The following SYNE1 variants were observed in gnomAD, a reference collection of about 807,000 sequenced individuals.
The protein encoded by SYNE1 is nesprin-1.
Under a neutral mutation model 1,111.0 loss-of-function variants are expected in SYNE1, and 616 were observed. That is an observed-to-expected ratio of 0.55 (90% CI 0.52 to 0.59). The LOEUF (loss-of-function observed/expected upper bound fraction) is 0.59, where lower values mean the gene tolerates loss of function less well. Among genes scored for constraint, SYNE1 ranks in the 20% least tolerant of loss-of-function variants. The pLI is 0.00. For synonymous variants in SYNE1, 3,855 were observed against 3,825.8 expected, an observed-to-expected ratio of 1.01 and a Z score of -0.28; for missense variants, 10,006 against 10,417.0, an observed-to-expected ratio of 0.96 and a Z score of 1.72.
chr6:152,542,846 T>A (rs1242066638), intron 3 of SYNE1, among the ~76,000 whole-genome samples: 3 of 152,136 alleles, frequency 2.0e-5, no homozygotes, highest in Non-Finnish European at 4.4e-5. Context: ...TGGATGGAAT[T>A]TGGAACTTTA....
intron 34 of SYNE1, among the ~76,000 whole-genome samples, chr6:152,431,617 C>G (rs1444057837): frequency 6.6e-6 from 1 of 152,038 alleles, no homozygotes; most frequent in African/African-American, 2.4e-5. Context: ...ATTATTCAAT[C>G]AAAATACATC....
At chr6:152,184,153 T>C (rs185944476) in intron 128 of SYNE1, among the ~76,000 whole-genome samples, 20 of 152,310 alleles carry the variant, frequency 1.3e-4, no homozygotes, top group Non-Finnish European at 2.2e-4. Flanking sequence ...TTGACTGATA[T>C]GGCCAGGCGC....
rs1562593208 is a variant in SYNE1, at chr6:152,262,109, A to G, written c.18895T>C (p.Trp6299Arg). The G allele has an allele frequency of 6.2e-7, 1 of 1,613,788 alleles. No individual in the cohort carries two copies. The change falls in exon 101 of 146, where the codon TGG becomes CGG. Residue 6299 changes from tryptophan to arginine, a missense_variant. This residue lies in a region of SYNE1 where 2,182 missense variants were observed against 2,287.8 expected (regional missense o/e 0.95). Transcript: ENST00000367255. ...CTAAATTCTTGATGTAGGCTTTCCC[A>G]TTTCATTCTCATCTGGTCTTCAGCG... ...SSAEDQMRMK[W>R]ESLHQEFSTK...
chr6:152,475,980 C>A (rs536330891), intron 14 of SYNE1, among the ~76,000 whole-genome samples: 63 of 152,226 alleles, frequency 4.1e-4, no homozygotes, highest in Non-Finnish European at 7.8e-4. Context: ...TTTCCTCCAA[C>A]TTCACTGGTT....
intron 135 of SYNE1, 103 bp downstream of exon 135, chr6:152,151,450 T>G: frequency 6.7e-7 from 1 of 1,482,678 alleles, no homozygotes; most frequent in Non-Finnish European, 9.1e-7. Context: ...CAGAACTAAT[T>G]TTTCAAAAGA....
intron 127 of SYNE1, among the ~76,000 whole-genome samples, chr6:152,199,400 A>T (rs1479023949): frequency 1.3e-5 from 2 of 152,202 alleles, no homozygotes; most frequent in Non-Finnish European, 2.9e-5. Flanking sequence ...AGCTGAGAAG[A>T]TCTGTTGCTG....
At chr6:152,442,012 G>A (rs1242240108) in intron 31 of SYNE1, 63 bp downstream of exon 31, 59 of 1,594,084 alleles carry the variant, frequency 3.7e-5, no homozygotes, top group Non-Finnish European at 5.0e-5. Flanking sequence ...GTGTTATGAG[G>A]CACAACCGGA....
chr6:152,470,276 C>T (rs1187047574), intron 16 of SYNE1, among the ~76,000 whole-genome samples: 2 of 152,122 alleles, frequency 1.3e-5, no homozygotes, highest in Non-Finnish European at 1.5e-5. Context: ...GTCTTATTAG[C>T]TGTTTAAATC....
chr6:152,277,264 CTTTTTTTTTTTTT>C (rs747947368), intron 98 of SYNE1, among the ~76,000 whole-genome samples: 1 of 82,122 alleles, frequency 1.2e-5, no homozygotes, highest in African/African-American at 4.9e-5. Flanking sequence ...TTTTCTTTTT[CTTTTTTTTTTTTT>C]TTTTTTTTTT....
In SYNE1 at chr6:152,331,375, A is replaced by G. The variant is rs745789075; in HGVS notation, c.13310T>C (p.Leu4437Pro). ...LSDAQSHVNC[L>P]SDLVGQRRKY... ...TCTTCGCTGGCCCACTAAGTCACTGAGACAATTCACGTGGCTTTGTGCATC... is the reference window on the plus strand; with the variant it reads ...TCTTCGCTGGCCCACTAAGTCACTGGGACAATTCACGTGGCTTTGTGCATC... The change falls in exon 78 of 146, where the codon CTC becomes CCC. Residue 4437 changes from leucine to proline, a missense_variant. Around this residue, in one of 7 missense-constraint regions of SYNE1, gnomAD observed 4,955 missense variants for 5,017.2 expected, o/e 0.99. Transcript: ENST00000367255. 2.2e-5 allele frequency: 35 copies of G among 1,614,058 alleles called. No homozygotes were observed. The highest frequency in any genetic ancestry group is 2.8e-5 in the Non-Finnish European group (33 of 1,180,048).
intron 129 of SYNE1, 124 bp from the exon 130 acceptor site, chr6:152,176,684 C>T (rs951471572): frequency 2.1e-6 from 2 of 952,002 alleles, no homozygotes; most frequent in South Asian, 2.7e-5. Flanking sequence ...CATAGGAATA[C>T]CATGTGGATA....
At chr6:152,366,000 C>T (rs1276786136) in intron 62 of SYNE1, among the ~76,000 whole-genome samples, 1 of 152,138 alleles carries the variant, frequency 6.6e-6, no homozygotes, top group Non-Finnish European at 1.5e-5. Context: ...AGTCTCCACC[C>T]AGTTATCTTT....
At chr6:152,423,373 C>A (rs1018901946) in intron 39 of SYNE1, among the ~76,000 whole-genome samples, 13 of 152,166 alleles carry the variant, frequency 8.5e-5, no homozygotes, top group African/African-American at 2.9e-4. Context: ...TATTAATCTG[C>A]CTCATGTCAG....
At position 152,483,269 on chromosome 6, in the gene SYNE1, A is replaced by G; in HGVS notation, c.1186-20T>C. The G allele has an allele frequency of 6.2e-7, 1 of 1,609,712 alleles. No homozygotes were observed. Among genetic ancestry groups the G allele is most frequent in the Non-Finnish European group, 8.5e-7 (1 of 1,176,052 alleles). ...AAAGAGCTAAAATTTAAAAAGCAGAAAAGTAAAATATCTTTAATACAGATG... is the reference window on the plus strand; with the variant it reads ...AAAGAGCTAAAATTTAAAAAGCAGAGAAGTAAAATATCTTTAATACAGATG... On this transcript the variant is annotated intron_variant, in intron 13 of 145. Coordinates refer to ENST00000367255, the MANE Select transcript of SYNE1 (RefSeq NM_182961.4).
intron 92 of SYNE1, among the ~76,000 whole-genome samples, chr6:152,301,524 T>C (rs2095167067): frequency 6.6e-6 from 1 of 152,186 alleles, no homozygotes; most frequent in South Asian, 2.1e-4. Context: ...TGCCATGAAT[T>C]TCCCATCCCC....
chr6:152,225,754 C>G lies in SYNE1; in HGVS notation c.21318G>C (p.Glu7106Asp). 6.2e-7 allele frequency: 1 copy of G among 1,614,158 alleles called. No homozygotes were observed. Among genetic ancestry groups the G allele is most frequent in the South Asian group, 1.1e-5 (1 of 91,082 alleles). The change falls in exon 116 of 146, where the codon GAG becomes GAC. Residue 7106 changes from glutamate (E) to aspartate (D), a missense_variant. This residue lies in a region of SYNE1 where 2,182 missense variants were observed against 2,287.8 expected (regional missense o/e 0.95). Transcript: ENST00000367255. ...CTAAATTTGCCCAGGTTTGGCCGAG[C>G]TCTCGCAGTGTGCTCATGACAATGC... The part of the protein sequence containing the change: ...VSSIVMSTLR[E>D]LGQTWANLDH...
At chr6:152,283,493 T>C (rs979770417) in intron 96 of SYNE1, among the ~76,000 whole-genome samples, 5 of 152,228 alleles carry the variant, frequency 3.3e-5, no homozygotes, top group African/African-American at 4.8e-5. Context: ...GGCTACACAC[T>C]GACTGTACTC....
chr6:152,466,931 C>T (rs773044126), intron 16 of SYNE1, among the ~76,000 whole-genome samples: 35 of 152,002 alleles, frequency 2.3e-4, no homozygotes, highest in Non-Finnish European at 4.9e-4. Flanking sequence ...GTCATAAATA[C>T]AAAATTAGCC....
Position 152,236,859 on chromosome 6 carries a change from C to T in SYNE1, c.20157G>A (p.Glu6719=), listed in dbSNP as rs769305344. The change falls in exon 109 of 146, where the codon GAG becomes GAA. Residue 6719 remains glutamate (E), a synonymous_variant. Transcript: ENST00000367255. The stretch of plus-strand genomic sequence containing the variant: ...GGTCAATAAGCCTGTCCTCGTTCTC[C>T]TCCACCAGACCCACGCTTGGGATGC... ...ESSIPSVGLV[E]ENEDRLIDRI... The T allele has an allele frequency of 1.2e-6, 2 of 1,614,180 alleles. No individual in the cohort carries two copies. The highest frequency in any genetic ancestry group is 1.7e-6 in the Non-Finnish European group (2 of 1,180,024).
Sources: allele counts gnomAD v4.1 joint callset (sites outside exome capture counted in the v4.1 genomes callset), GRCh38; gene constraint gnomAD v4.1.1; regional missense constraint gnomAD v4.1.1; transcripts MANE v1.5; gene names NCBI Gene and HGNC (gene_info 2026-07-23, HGNC 2026-07-21).